DPP10: variants seen among roughly 807,000 people sequenced by gnomAD.
The protein encoded by DPP10 is dipeptidyl peptidase like 10, also known as inactive dipeptidyl peptidase 10.
In DPP10, 33 loss-of-function variants were observed where a neutral mutation model predicts 120.9. The ratio of observed to expected loss-of-function variants is 0.27; its 90% CI spans 0.21 to 0.37. DPP10 has a LOEUF of 0.37. Ranked by LOEUF, DPP10 falls within the 10% of genes least tolerant of loss-of-function variation. The pLI, the probability that DPP10 is intolerant of heterozygous loss-of-function variation, is 1.00. For missense variants in DPP10, 816 were observed against 942.8 expected, an observed-to-expected ratio of 0.87 and a Z score of 1.76; for synonymous variants, 337 against 326.1, an observed-to-expected ratio of 1.03 and a Z score of -0.36.
At chr2:114,872,390 A>G (rs1161456940) in intron 1 of DPP10, among the ~76,000 whole-genome samples, 1 of 152,106 alleles carries the variant, frequency 6.6e-6, no homozygotes, top group African/African-American at 2.4e-5. Flanking sequence ...CACCTCCCAC[A>G]AGGTCCCTCC....
At chr2:115,155,067 AT>A (rs966814838) in intron 1 of DPP10, among the ~76,000 whole-genome samples, 5 of 150,386 alleles carry the variant, frequency 3.3e-5, no homozygotes, top group Admixed American at 6.6e-5. Context: ...AATTTTATTT[AT>A]TTTTTTTTTT....
chr2:115,218,018 C>A (rs1303048537), intron 1 of DPP10, among the ~76,000 whole-genome samples: 1 of 152,082 alleles, frequency 6.6e-6, no homozygotes, highest in Non-Finnish European at 1.5e-5. Flanking sequence ...AGATTGTATT[C>A]TTTTCAAGGA....
chr2:114,641,608 G>T (rs1695711979), intron 1 of DPP10, among the ~76,000 whole-genome samples: 1 of 151,908 alleles, frequency 6.6e-6, no homozygotes, highest in Non-Finnish European at 1.5e-5. Context: ...GATTTATAAG[G>T]ATTCTTGGCC....
intron 12 of DPP10, among the ~76,000 whole-genome samples, chr2:115,766,601 G>T (rs1272851664): frequency 6.6e-6 from 1 of 151,886 alleles, no homozygotes; most frequent in African/African-American, 2.4e-5. Context: ...GGTGTTAGTT[G>T]CTGTATTAGT....
At chr2:114,486,871 C>T (rs1386907904) in intron 1 of DPP10, among the ~76,000 whole-genome samples, 1 of 152,140 alleles carries the variant, frequency 6.6e-6, no homozygotes, top group East Asian at 1.9e-4. Flanking sequence ...GCTGGTTTAA[C>T]ATAACCAATC....
In DPP10 at chr2:115,235,853, G is replaced by A. The variant is rs186354016; in HGVS notation, c.61-73386G>A. Reference sequence around the variant, plus strand: ...TGGGAATACAGACATGAGCCACTGCGCAGCCAAGCTGACGTTTCTTACAGC... The same window carrying A: ...TGGGAATACAGACATGAGCCACTGCACAGCCAAGCTGACGTTTCTTACAGC... On this transcript the variant is annotated intron_variant, in intron 1 of 25. Transcript: ENST00000410059. Among the ~76,000 whole-genome samples the A allele has an allele frequency of 8.4e-4, 128 of 152,222 alleles. 1 individual carries two copies. Among genetic ancestry groups the A allele is most frequent in the Non-Finnish European group, 1.1e-3 (77 of 68,020 alleles).
intron 3 of DPP10, among the ~76,000 whole-genome samples, chr2:115,423,722 A>G (rs184193408): frequency 2.6e-5 from 4 of 152,296 alleles, no homozygotes; most frequent in Admixed American, 2.0e-4. Context: ...CAGTGAATCA[A>G]TAGTACCTTG....
intron 1 of DPP10, among the ~76,000 whole-genome samples, chr2:115,096,783 T>C (rs115841393): frequency 0.018 from 2,709 of 152,270 alleles, 64 homozygotes; most frequent in African/African-American, 0.052. Context: ...ACTTGTATAT[T>C]TGTTCTCTGT....
At chr2:115,680,296 TAG>T (rs2090562143) in intron 5 of DPP10, among the ~76,000 whole-genome samples, 1 of 151,998 alleles carries the variant, frequency 6.6e-6, no homozygotes, top group African/African-American at 2.4e-5. Context: ...AGTCAATATT[TAG>T]AGTGTGTATA....
intron 5 of DPP10, among the ~76,000 whole-genome samples, chr2:115,574,878 G>T (rs554450253): frequency 6.6e-6 from 1 of 152,176 alleles, no homozygotes; most frequent in Non-Finnish European, 1.5e-5. Context: ...TTGTTTACCT[G>T]CTGTGCCAGA....
At chr2:115,652,409 ATGTGTGTGTGTGTGTGTGTGTG>A (rs71394158) in intron 5 of DPP10, among the ~76,000 whole-genome samples, 7 of 145,490 alleles carry the variant, frequency 4.8e-5, no homozygotes, top group Non-Finnish European at 1.0e-4. Flanking sequence ...TAGGATATAT[ATGTGTGTGTGTGTGTGTGTGTG>A]TGTGTGTGTG....
At chr2:115,725,253 CTGG>C (rs1330897335) in intron 7 of DPP10, among the ~76,000 whole-genome samples, 2 of 152,108 alleles carry the variant, frequency 1.3e-5, no homozygotes, top group African/African-American at 2.4e-5. Context: ...CAGACAGTAC[CTGG>C]GGATACTTGC....
intron 19 of DPP10, among the ~76,000 whole-genome samples, chr2:115,809,801 C>A (rs1198579762): frequency 1.3e-5 from 2 of 152,130 alleles, no homozygotes; most frequent in African/African-American, 2.4e-5. Flanking sequence ...GAAGTCCTCT[C>A]GTTAGAATAA....
intron 1 of DPP10, among the ~76,000 whole-genome samples, chr2:115,151,463 A>C (rs1242603966): frequency 6.7e-6 from 1 of 149,258 alleles, no homozygotes; most frequent in African/African-American, 2.5e-5. Flanking sequence ...CCGGGAGTGC[A>C]ATGGTGTGAT....
At chr2:115,349,935 C>T (rs1488440859) in intron 3 of DPP10, among the ~76,000 whole-genome samples, 1 of 152,012 alleles carries the variant, frequency 6.6e-6, no homozygotes, top group Non-Finnish European at 1.5e-5. Flanking sequence ...TTATGTTTAT[C>T]TTATTTTGTA....
At chr2:114,591,554 A>ATTTTTTTTTT (rs70937292) in intron 1 of DPP10, among the ~76,000 whole-genome samples, 4,323 of 124,118 alleles carry the variant, frequency 0.035, 230 homozygotes, top group African/African-American at 0.069. Context: ...ACCTCTTCCT[A>ATTTTTTTTTT]TTTTTTTTTT....
intron 1 of DPP10, among the ~76,000 whole-genome samples, chr2:114,451,584 A>G (rs1019489467): frequency 6.6e-6 from 1 of 152,132 alleles, no homozygotes; most frequent in Non-Finnish European, 1.5e-5. Context: ...AAAAAAGGCA[A>G]TGCAACTGTC....
At chr2:115,490,423 C>G (rs1386043717) in intron 3 of DPP10, among the ~76,000 whole-genome samples, 2 of 141,410 alleles carry the variant, frequency 1.4e-5, no homozygotes, top group African/African-American at 5.0e-5. Flanking sequence ...ACCGGGTCCC[C>G]TGACACATGG....
intron 1 of DPP10, among the ~76,000 whole-genome samples, chr2:114,878,548 G>A (rs1036283971): frequency 2.2e-4 from 33 of 152,098 alleles, no homozygotes; most frequent in African/African-American, 7.5e-4. Flanking sequence ...ACAGTTGCAC[G>A]TTTATGCCTA....
Sources: allele counts gnomAD v4.1 joint callset (sites outside exome capture counted in the v4.1 genomes callset), GRCh38; gene constraint gnomAD v4.1.1; transcripts MANE v1.5; gene names NCBI Gene and HGNC (gene_info 2026-07-23, HGNC 2026-07-21).